The following PCDHGA6 variants were observed in gnomAD, a reference collection of about 807,000 sequenced individuals.
PCDHGA6 encodes protocadherin gamma subfamily A, 6, also known as protocadherin gamma-A6.
In PCDHGA6, 41 loss-of-function variants were observed where a neutral mutation model predicts 60.6. The ratio of observed to expected loss-of-function variants is 0.68; its 90% confidence interval spans 0.53 to 0.88. The LOEUF is 0.88. Ranked by LOEUF, PCDHGA6 falls within the 40% of genes least tolerant of loss-of-function variation. PCDHGA6 has a pLI of 0.00. For synonymous variants in PCDHGA6, 594 were observed against 524.4 expected (o/e 1.13, Z -1.81); for missense variants, 1,312 against 1,203.0 (o/e 1.09, Z -1.34).
intron 1 of PCDHGA6, chr5:141,393,590 G>A: frequency 1.2e-6 from 2 of 1,613,896 alleles, no homozygotes; most frequent in South Asian, 2.2e-5. Flanking sequence ...CCCCAGGCAC[G>A]CGGCTGCTTA....
Position 141,409,135 on chromosome 5 carries a change from T to C in PCDHGA6, c.2424+32628T>C, listed in dbSNP as rs748247175. 3.1e-6 allele frequency: 5 copies of C among 1,614,026 alleles called. No homozygotes were observed. In the South Asian group the frequency reaches 3.3e-5, roughly 11 times the overall value. On this transcript the variant is annotated intron_variant, in intron 1 of 3. Coordinates refer to ENST00000517434, the MANE Select transcript of PCDHGA6 (RefSeq NM_018919.3). ...ATAACCAGTCATTTGATTTTGAAGA[T>C]GTAGAAAGGTACACCATGGAAGTGG...
intron 1 of PCDHGA6, chr5:141,411,955 A>C (rs1427605209): frequency 6.6e-5 from 10 of 152,244 alleles, no homozygotes; most frequent in African/African-American, 1.2e-4. Context: ...TTTGAAGAAA[A>C]AAGATAAAAT....
At chr5:141,510,682 G>C (rs1014890367) in intron 3 of PCDHGA6, among the ~76,000 whole-genome samples, 2 of 152,154 alleles carry the variant, frequency 1.3e-5, no homozygotes, top group Non-Finnish European at 2.9e-5. Context: ...GTGGCATAAG[G>C]AGGTTAGGTA....
At chr5:141,408,052 C>T in intron 1 of PCDHGA6, 1 of 1,283,102 alleles carries the variant, frequency 7.8e-7, no homozygotes, top group Non-Finnish European at 1.0e-6. Context: ...CACACAGAGC[C>T]TCCCGGCTGC....
intron 1 of PCDHGA6, chr5:141,422,654 C>T: frequency 1.2e-6 from 2 of 1,610,030 alleles, no homozygotes; most frequent in Non-Finnish European, 1.7e-6. Flanking sequence ...TTCTCAGTGA[C>T]CGCCCTCGAC....
At chr5:141,501,290 TACACACACACACACACACACACACAC>T (rs55762287) in intron 2 of PCDHGA6, among the ~76,000 whole-genome samples, 1 of 136,164 alleles carries the variant, frequency 7.3e-6, no homozygotes, top group Non-Finnish European at 1.6e-5. Flanking sequence ...TATTCCCTTA[TACACACACACACACACACACACACAC>T]ACACACACAC....
rs776349562 is a variant in PCDHGA6 at position 141,491,131 on chromosome 5, G to T, written c.2425-3676G>T. The T allele has an allele frequency of 6.2e-7, 1 of 1,614,182 alleles. No individual in the cohort carries two copies. Among genetic ancestry groups the T allele is most frequent in the Non-Finnish European group, 8.5e-7 (1 of 1,180,008 alleles). On this transcript the variant is annotated intron_variant, in intron 1 of 3. Coordinates refer to ENST00000517434, the MANE Select transcript of PCDHGA6 (RefSeq NM_018919.3). This position sits in a 1 kb window ranked among gnomAD's most constrained non-coding sequence, Gnocchi z 6.9. ...TACACACACTGGTGAGGTGCGCACA[G>T]CCCGGGCCTTACTGGAGGATGACTC...
chr5:141,377,551 G>T (rs949060522), intron 1 of PCDHGA6: 3 of 151,380 alleles, frequency 2.0e-5, no homozygotes, highest in African/African-American at 7.3e-5. Flanking sequence ...AGATATAATT[G>T]TGTCACTGCA....
rs903741318 is a variant in PCDHGA6, at chr5:141,454,939, C to G, written c.2425-39868C>G. On this transcript the variant is annotated intron_variant, in intron 1 of 3. Coordinates refer to ENST00000517434, the MANE Select transcript of PCDHGA6 (RefSeq NM_018919.3). ...TCTCCTGCCTCAGCCTCCCGAGTAG[C>G]TGGGACTACAGGCGCCGGCCACCAC... 6.0e-5 allele frequency among the ~76,000 whole-genome samples: 9 copies of G among 150,982 alleles called. No homozygotes were observed. The East Asian group carries it at 1.8e-3, about 30-fold the overall frequency.
intron 1 of PCDHGA6, among the ~76,000 whole-genome samples, chr5:141,435,043 C>T (rs2097739230): frequency 1.3e-5 from 2 of 151,658 alleles, no homozygotes; most frequent in African/African-American, 2.4e-5. Flanking sequence ...ATTTTTTTCC[C>T]ATTGACCATG....
rs776543767 is a variant in PCDHGA6 at position 141,432,028 on chromosome 5, C to G, written c.2424+55521C>G. The G allele has an allele frequency of 6.2e-7, 1 of 1,614,168 alleles. No homozygotes were observed. The highest frequency in any genetic ancestry group is 2.2e-5 in the East Asian group (1 of 44,882). On this transcript the variant is annotated intron_variant, in intron 1 of 3. Transcript: ENST00000517434. This position sits in a 1 kb window ranked among gnomAD's most constrained non-coding sequence, Gnocchi z 6.0. ...TTCCTAGCTACAACATCACAGTGAC[C>G]GCCACTGACCGGGGAACCCCGCCCC...
chr5:141,393,937 A>G lies in PCDHGA6; in HGVS notation c.2424+17430A>G, dbSNP rs751838967. 26 of 1,613,788 alleles carry G rather than the reference A, an allele frequency of 1.6e-5. 2 individuals are homozygous for G. In the South Asian group the frequency reaches 2.9e-4, roughly 18 times the overall value. On this transcript the variant is annotated intron_variant, in intron 1 of 3. Coordinates refer to ENST00000517434, the MANE Select transcript of PCDHGA6 (RefSeq NM_018919.3). ...GCCTTCTTGAGTGTGCATGACCAAG[A>G]CTCTGGAAAGAATGGTCAAGTTGTC...
Position 141,490,202 on chromosome 5 carries a change from G to A in PCDHGA6, c.2425-4605G>A, listed in dbSNP as rs1594889134. On this transcript the variant is annotated intron_variant, in intron 1 of 3. Coordinates refer to ENST00000517434, the MANE Select transcript of PCDHGA6 (RefSeq NM_018919.3). The surrounding 1 kb of genome is among the most constrained non-coding windows in gnomAD (Gnocchi z 5.4). ...TCACGTTTCTATGAAATTCATGCAA[G>A]AGCCCGTGACCAGGGACAGCCTGCC... 1.2e-6 allele frequency: 2 copies of A among 1,614,220 alleles called. No homozygotes were observed. The highest frequency in any genetic ancestry group is 2.7e-5 in the African/African-American group (2 of 75,060).
intron 1 of PCDHGA6, among the ~76,000 whole-genome samples, chr5:141,407,316 GTATTTATAAA>G (rs2094915018): frequency 6.6e-6 from 1 of 152,094 alleles, no homozygotes; most frequent in Non-Finnish European, 1.5e-5. Flanking sequence ...TTCATACTTA[GTATTTATAAA>G]TATTGAAATG....
intron 1 of PCDHGA6, among the ~76,000 whole-genome samples, chr5:141,443,323 A>AG (rs1262238603): frequency 1.3e-5 from 2 of 151,732 alleles, no homozygotes; most frequent in African/African-American, 4.9e-5. Context: ...TCTACAAAAA[A>AG]AAAAAACAAA....
intron 1 of PCDHGA6, chr5:141,426,849 G>A (rs749455878): frequency 2.4e-5 from 11 of 456,660 alleles, no homozygotes; most frequent in South Asian, 1.7e-4. Flanking sequence ...AGGCAAGAAC[G>A]CTCCAGAATT....
At chr5:141,478,269 A>G in intron 1 of PCDHGA6, 1 of 1,614,146 alleles carries the variant, frequency 6.2e-7, no homozygotes, top group Non-Finnish European at 8.5e-7. Flanking sequence ...TTCAAAGTTT[A>G]CAAGTGGAAG....
At chr5:141,404,776 A>G (rs2094566348) in intron 1 of PCDHGA6, 1 of 1,612,952 alleles carries the variant, frequency 6.2e-7, no homozygotes, top group Non-Finnish European at 8.5e-7. Flanking sequence ...CCTACCGCCT[A>G]TTCAAGGCCA....
chr5:141,418,041 T>C lies in PCDHGA6; in HGVS notation c.2424+41534T>C, dbSNP rs764313049. The C allele has an allele frequency of 1.2e-6, 2 of 1,613,858 alleles. No individual in the cohort carries two copies. Among genetic ancestry groups the C allele is most frequent in the Non-Finnish European group, 1.7e-6 (2 of 1,179,856 alleles). On this transcript the variant is annotated intron_variant, in intron 1 of 3. Transcript: ENST00000517434. ...GATCTAGGGCTTAGTGTCCTGGATG[T>C]GTCGGCTCGCGAGCTGCGAGTGAGC... is the stretch of plus-strand genomic sequence containing the variant.
Sources: allele counts gnomAD v4.1 joint callset (sites outside exome capture counted in the v4.1 genomes callset), GRCh38; gene constraint gnomAD v4.1.1; non-coding constraint Gnocchi (gnomAD v3.1); transcripts MANE v1.5; gene names NCBI Gene and HGNC (gene_info 2026-07-23, HGNC 2026-07-21).